PITPNC1: variants seen among roughly 807,000 people sequenced by gnomAD.
PITPNC1 encodes cytoplasmic phosphatidylinositol transfer protein 1.
PITPNC1 carries 18 observed loss-of-function variants against 44.7 expected under a neutral mutation model. That is an observed-to-expected ratio of 0.40 (90% confidence interval 0.28 to 0.60). PITPNC1 has a LOEUF of 0.60. Among genes scored for constraint, PITPNC1 ranks in the 20% least tolerant of loss-of-function variants. PITPNC1 has a pLI of 0.39. For missense variants in PITPNC1, 290 were observed against 418.4 expected (o/e 0.69, Z 2.68); for synonymous variants, 141 against 149.6 (o/e 0.94, Z 0.42).
At position 67,540,069 on chromosome 17, in the gene PITPNC1, CATTTTATTTTATTTTATTTT is replaced by C. The variant is rs60946208; in HGVS notation, c.197+7144_197+7163del. ...GAGGAAACTTTACCTGTATCTACTACATTTTATTTTATTTTATTTTATTTTATTTTATTTTATTTTATTTA... is the reference window on the plus strand; with the variant it reads ...GAGGAAACTTTACCTGTATCTACTACATTTTATTTTATTTTATTTTATTTA... On this transcript the variant is annotated intron_variant, in intron 2 of 8. Transcript: ENST00000581322. Among the ~76,000 whole-genome samples, 28 of 144,318 alleles carry C rather than the reference CATTTTATTTTATTTTATTTT, an allele frequency of 1.9e-4. 1 individual carries two copies. Among genetic ancestry groups the C allele is most frequent in the South Asian group, 9.1e-4 (4 of 4,386 alleles). 94.7% of individuals were successfully genotyped at this position (144,318 alleles called of 152,430 possible). A position where few individuals can be genotyped will look rare whatever the true frequency, so the allele number is the denominator to read the frequency against.
At chr17:67,465,989 CTTTATTTATTTA>C (rs35282153) in intron 1 of PITPNC1, among the ~76,000 whole-genome samples, 2 of 148,626 alleles carry the variant, frequency 1.3e-5, no homozygotes, top group Non-Finnish European at 3.0e-5. Flanking sequence ...CAAGGTCGGC[CTTTATTTATTTA>C]TTTATTTATT....
intron 5 of PITPNC1, among the ~76,000 whole-genome samples, chr17:67,583,617 A>C (rs28465123): frequency 0.38 from 55,958 of 146,822 alleles, 11,130 homozygotes; most frequent in South Asian, 0.56. Flanking sequence ...ACCTGGGAAG[A>C]TTTAGCCATC....
At chr17:67,428,840 T>TTTC (rs1491187553) in intron 1 of PITPNC1, among the ~76,000 whole-genome samples, 1 of 21,854 alleles carries the variant, frequency 4.6e-5, no homozygotes, top group Admixed American at 4.2e-4. Context: ...CTTGTCTTGC[T>TTTC]TTTTTTTTTT....
chr17:67,598,320 T>C (rs1036157300), intron 5 of PITPNC1, among the ~76,000 whole-genome samples: 3 of 152,176 alleles, frequency 2.0e-5, no homozygotes, highest in Non-Finnish European at 4.4e-5. Flanking sequence ...GATGGAGCAA[T>C]TAGCTCAGTG....
intron 5 of PITPNC1, among the ~76,000 whole-genome samples, chr17:67,619,723 C>T (rs1247544839): frequency 3.3e-5 from 5 of 152,252 alleles, no homozygotes; most frequent in East Asian, 1.9e-4. Context: ...CTCCCCTCCC[C>T]GCTCCCAGCT....
intron 8 of PITPNC1, among the ~76,000 whole-genome samples, chr17:67,684,356 GC>G (rs1269698038): frequency 6.6e-6 from 1 of 151,756 alleles, no homozygotes; most frequent in Non-Finnish European, 1.5e-5. Context: ...CAGGTGATCC[GC>G]CCATCTCGGC....
In PITPNC1 at chr17:67,532,939, G is replaced by A. The variant is rs368733682; in HGVS notation, c.186G>A (p.Val62=). The change falls in exon 2 of 9, where the codon GTG becomes GTA. Residue 62 remains valine (V), a synonymous_variant. Coordinates refer to ENST00000581322, the MANE Select transcript of PITPNC1 (RefSeq NM_012417.4). ...HGNGQFTEKR[V]YLNSKLPSWA... Reference sequence around the variant, plus strand: ...ATGGGCAGTTCACCGAGAAGCGGGTGTATCTCAACAGGTGAGTCATGGCAG... The same window carrying A: ...ATGGGCAGTTCACCGAGAAGCGGGTATATCTCAACAGGTGAGTCATGGCAG... 4.3e-6 allele frequency: 7 copies of A among 1,609,594 alleles called. No homozygotes were observed. The highest frequency in any genetic ancestry group is 5.1e-6 in the Non-Finnish European group (6 of 1,178,510).
chr17:67,450,453 C>G (rs997908882), intron 1 of PITPNC1, among the ~76,000 whole-genome samples: 3 of 151,924 alleles, frequency 2.0e-5, no homozygotes, highest in African/African-American at 7.3e-5. Flanking sequence ...GAAGACGAAG[C>G]CTTGCTCTGT....
At chr17:67,493,846 G>GT (rs2039894635) in intron 1 of PITPNC1, among the ~76,000 whole-genome samples, 1 of 152,172 alleles carries the variant, frequency 6.6e-6, no homozygotes. Flanking sequence ...AAAAATTCAG[G>GT]TCCACCAGAA....
At chr17:67,442,211 A>ATATATG (rs1813610982) in intron 1 of PITPNC1, among the ~76,000 whole-genome samples, 1 of 64,312 alleles carries the variant, frequency 1.6e-5, no homozygotes, top group Non-Finnish European at 3.0e-5. Flanking sequence ...AAGCATATAT[A>ATATATG]TATATATATA....
At chr17:67,655,156 G>A (rs570899441) in intron 6 of PITPNC1, among the ~76,000 whole-genome samples, 1 of 152,304 alleles carries the variant, frequency 6.6e-6, no homozygotes, top group South Asian at 2.1e-4. Flanking sequence ...AGCATTGACA[G>A]ATTCAGTGCC....
intron 1 of PITPNC1, among the ~76,000 whole-genome samples, chr17:67,504,765 T>C (rs1235182674): frequency 6.6e-6 from 1 of 152,102 alleles, no homozygotes; most frequent in Non-Finnish European, 1.5e-5. Context: ...TTAATTTAGG[T>C]TAATTAATTA....
chr17:67,380,110 T>C (rs1281142113), intron 1 of PITPNC1, among the ~76,000 whole-genome samples: 1 of 151,664 alleles, frequency 6.6e-6, no homozygotes, highest in Non-Finnish European at 1.5e-5. Context: ...AGCCTTGTTA[T>C]GTTGCCCAGG....
At position 67,696,971 on chromosome 17, in the gene PITPNC1, C is replaced by T. The variant is rs1033974602; in HGVS notation, c.*4083C>T. Reference sequence around the variant, plus strand: ...GAGGGTCTCTGAGTTGGTGTTGTACCTGTACCACTCACATGTAGCTCAAGT... The same window carrying T: ...GAGGGTCTCTGAGTTGGTGTTGTACTTGTACCACTCACATGTAGCTCAAGT... On this transcript the variant is annotated 3_prime_UTR_variant, in exon 9 of 9. Coordinates refer to ENST00000581322, the MANE Select transcript of PITPNC1 (RefSeq NM_012417.4). The T allele has an allele frequency of 3.3e-5, 5 of 152,234 alleles. No individual in the cohort carries two copies. The highest frequency in any genetic ancestry group is 7.3e-5 in the Non-Finnish European group (5 of 68,044). 9.4% of individuals were successfully genotyped at this position (152,234 alleles called of 1,614,324 possible).
At chr17:67,602,911 AT>A (rs35100800) in intron 5 of PITPNC1, among the ~76,000 whole-genome samples, 4 of 148,692 alleles carry the variant, frequency 2.7e-5, no homozygotes, top group South Asian at 2.2e-4. Flanking sequence ...TAATTTTGAT[AT>A]TTTTTTTTTG....
At chr17:67,655,770 C>T (rs2042259138) in intron 6 of PITPNC1, among the ~76,000 whole-genome samples, 1 of 151,882 alleles carries the variant, frequency 6.6e-6, no homozygotes, top group African/African-American at 2.4e-5. Context: ...CTCATTTCCA[C>T]AAAACATTAA....
intron 1 of PITPNC1, among the ~76,000 whole-genome samples, chr17:67,518,439 C>T (rs1333620884): frequency 7.0e-6 from 1 of 143,782 alleles, no homozygotes; most frequent in Non-Finnish European, 1.6e-5. Context: ...CAGGACCCTA[C>T]TGATTGACTC....
intron 1 of PITPNC1, among the ~76,000 whole-genome samples, chr17:67,382,979 C>CATTT (rs367801215): frequency 0.031 from 4,753 of 151,500 alleles, 237 homozygotes; most frequent in African/African-American, 0.11. Flanking sequence ...ATAATTGAGC[C>CATTT]ATTTATTTAT....
rs369036531 is a variant in PITPNC1 at position 67,378,081 on chromosome 17, G to T, written c.-74G>T. Reference sequence around the variant, plus strand: ...CCGGGCTCCGGGCGCCCTGCCCTGCGCCTGGGCAGCAGCCTTGCTGGTCTT... The same window carrying T: ...CCGGGCTCCGGGCGCCCTGCCCTGCTCCTGGGCAGCAGCCTTGCTGGTCTT... On this transcript the variant is annotated 5_prime_UTR_variant, in exon 1 of 9. Transcript: ENST00000581322. 3 of 1,068,886 alleles carry T rather than the reference G, an allele frequency of 2.8e-6. No individual in the cohort carries two copies. Among genetic ancestry groups the T allele is most frequent in the Non-Finnish European group, 3.9e-6 (3 of 768,180 alleles). 66.2% of individuals were successfully genotyped at this position (1,068,886 alleles called of 1,614,324 possible). A position where few individuals can be genotyped will look rare whatever the true frequency, so the allele number is the denominator to read the frequency against.
Sources: gnomAD v4.1 joint callset for allele counts (sites outside exome capture counted in the v4.1 genomes callset) on GRCh38, gnomAD v4.1.1 for gene constraint, MANE v1.5 for transcripts, NCBI Gene and HGNC (gene_info 2026-07-23, HGNC 2026-07-21) for gene names.